POLR2F: variants seen among roughly 807,000 people sequenced by gnomAD.
The protein encoded by POLR2F is RNA polymerase II, I and III subunit F, also known as DNA-directed RNA polymerases I, II, and III subunit RPABC2.
A neutral mutation model predicts 22.7 loss-of-function variants in POLR2F; 12 were observed. That is an observed-to-expected ratio of 0.53 (90% CI 0.34 to 0.86). POLR2F has a LOEUF of 0.86. POLR2F is among the 40% of genes least tolerant of loss of function. POLR2F has a pLI of 0.02. For synonymous variants in POLR2F, 57 were observed against 66.0 expected, an observed-to-expected ratio of 0.86 and a Z score of 0.66; for missense variants, 126 against 171.5, an observed-to-expected ratio of 0.73 and a Z score of 1.48.
chr22:38,032,516 C>A (rs550692893), intron 5 of POLR2F: 2 of 152,382 alleles, frequency 1.3e-5, no homozygotes, highest in African/African-American at 4.8e-5. Context: ...CAGGAGAGAC[C>A]GGGGTCTCTG....
intron 1 of POLR2F, among the ~76,000 whole-genome samples, chr22:38,007,375 G>A (rs1019741846): frequency 1.3e-5 from 2 of 152,232 alleles, no homozygotes; most frequent in African/African-American, 4.8e-5. Context: ...GCAGGCAGCA[G>A]TAGGGTGGCT....
At chr22:38,025,685 C>T in intron 1 of POLR2F, 1 of 1,545,184 alleles carries the variant, frequency 6.5e-7, no homozygotes, top group Non-Finnish European at 8.7e-7. Context: ...GACAGTCCTG[C>T]TGGGTGGATA....
upstream of POLR2F, chr22:37,983,830 G>A (rs1348246308): frequency 2.2e-6 from 3 of 1,356,688 alleles, no homozygotes; most frequent in Non-Finnish European, 2.8e-6. This position sits in a 1 kb window ranked among gnomAD's most constrained non-coding sequence, Gnocchi z 9.5. Flanking sequence ...CCTCCCCCGG[G>A]CCAGCCGCCG....
chr22:37,993,946 G>A (rs372520763), intron 1 of POLR2F, among the ~76,000 whole-genome samples: 9 of 152,302 alleles, frequency 5.9e-5, no homozygotes, highest in South Asian at 2.1e-4. Context: ...CCGAGATCGC[G>A]CCACTGCACT....
At position 38,025,587 on chromosome 22, in the gene POLR2F, G is replaced by A. The variant is rs2085001001; in HGVS notation, c.121-282G>A. On this transcript the variant is annotated intron_variant, in intron 1 of 2. Coordinates refer to the POLR2F transcript ENST00000333418. ...ATCTCTCTCATTTCCAGACTTCTCTGGGGGCTGGAATACACAGTGCTGAGA... is the reference window on the plus strand; with the variant it reads ...ATCTCTCTCATTTCCAGACTTCTCTAGGGGCTGGAATACACAGTGCTGAGA... 7 of 1,509,330 alleles carry A rather than the reference G, an allele frequency of 4.6e-6. No homozygotes were observed. The East Asian group carries it at 1.1e-4, about 25-fold the overall frequency. The allele number at this position is 1,509,330 out of a possible 1,614,324, so 93.5% of individuals were successfully genotyped here.
intron 3 of POLR2F, among the ~76,000 whole-genome samples, chr22:37,960,535 C>A (rs1446415950): frequency 2.6e-5 from 4 of 152,096 alleles, no homozygotes; most frequent in Non-Finnish European, 5.9e-5. Context: ...GTAGCTGGGA[C>A]TACAGGCGCC....
intron 1 of POLR2F, among the ~76,000 whole-genome samples, chr22:38,018,684 TGA>T (rs1441595724): frequency 2.6e-5 from 4 of 152,188 alleles, no homozygotes; most frequent in African/African-American, 9.7e-5. Context: ...TTCTCCCTGC[TGA>T]GAGTCCACCA....
downstream of POLR2F, among the ~76,000 whole-genome samples, chr22:38,030,131 A>G (rs3026666): frequency 0.047 from 7,179 of 152,174 alleles, 539 homozygotes; most frequent in African/African-American, 0.16. Flanking sequence ...GAAGCTGGGG[A>G]TGGAAAACCC....
intron 3 of POLR2F, among the ~76,000 whole-genome samples, chr22:37,964,950 A>G (rs1427628864): frequency 6.6e-6 from 1 of 152,136 alleles, no homozygotes. Flanking sequence ...CTTAAGGGCT[A>G]TGACACCATC....
chr22:38,010,390 AAAG>A (rs2084860436), intron 1 of POLR2F, among the ~76,000 whole-genome samples: 1 of 151,698 alleles, frequency 6.6e-6, no homozygotes, highest in East Asian at 1.9e-4. Flanking sequence ...AAATAAAGGA[AAAG>A]AAAGAGAGGA....
chr22:37,959,222 C>T (rs1931524684), intron 2 of POLR2F, 124 bp from the exon 3 acceptor site: 1 of 899,358 alleles, frequency 1.1e-6, no homozygotes, highest in Non-Finnish European at 1.8e-6. Flanking sequence ...GTTATGTGGT[C>T]CCCTGGCATG....
intron 1 of POLR2F, among the ~76,000 whole-genome samples, chr22:38,014,343 T>G: frequency 6.6e-6 from 1 of 151,202 alleles, no homozygotes; most frequent in East Asian, 1.9e-4. Flanking sequence ...TGGCTAGGAC[T>G]TATTTTTTTT....
At chr22:37,966,477 G>C (rs1163843267) in intron 3 of POLR2F, among the ~76,000 whole-genome samples, 1 of 152,032 alleles carries the variant, frequency 6.6e-6, no homozygotes, top group African/African-American at 2.4e-5. Context: ...TGTGTCTATA[G>C]AGAATGGAAA....
chr22:38,017,015 C>G lies in POLR2F; in HGVS notation c.121-8854C>G, dbSNP rs2084921767. 6.6e-6 allele frequency among the ~76,000 whole-genome samples: 1 copy of G among 152,132 alleles called. No homozygotes were observed. Among genetic ancestry groups the G allele is most frequent in the South Asian group, 2.1e-4 (1 of 4,834 alleles). On this transcript the variant is annotated intron_variant, in intron 1 of 2. Coordinates refer to the POLR2F transcript ENST00000333418. This position sits in a 1 kb window ranked among gnomAD's most constrained non-coding sequence, Gnocchi z 4.1. ...GCAAGGGGCCAGCCAGCCCCCCACC[C>G]CAGCCTCTGCTGCCTGGCACCAGGT...
At chr22:38,000,531 AG>A (rs2084759753) in intron 1 of POLR2F, among the ~76,000 whole-genome samples, 1 of 152,162 alleles carries the variant, frequency 6.6e-6, no homozygotes, top group Non-Finnish European at 1.5e-5. Context: ...GGTTATCAGG[AG>A]GGTGGCTTTG....
chr22:38,038,247 G>C (rs2085135267), intron 5 of POLR2F, among the ~76,000 whole-genome samples: 1 of 152,192 alleles, frequency 6.6e-6, no homozygotes. Context: ...TGGAGCCCTG[G>C]TGGCCCTGGA....
At chr22:38,040,233 C>T (rs1278488010) in intron 5 of POLR2F, 1 of 131,658 alleles carries the variant, frequency 7.6e-6, no homozygotes, top group African/African-American at 3.0e-5. Flanking sequence ...TGCAGTGAGC[C>T]GAGATCACAC....
upstream of POLR2F, chr22:37,986,028 T>A: frequency 1.0e-3 from 739 of 729,668 alleles, no homozygotes; most frequent in Middle Eastern, 4.8e-3. The surrounding 1 kb of genome is among the most constrained non-coding windows in gnomAD (Gnocchi z 4.7). Flanking sequence ...TCCCCCCGCC[T>A]CCCTTCTCTT....
chr22:37,966,462 G>A (rs1370874755), intron 3 of POLR2F, among the ~76,000 whole-genome samples: 1 of 151,952 alleles, frequency 6.6e-6, no homozygotes, highest in Non-Finnish European at 1.5e-5. Flanking sequence ...CCTCTACTGA[G>A]GTGTTGTGTC....
Sources: gnomAD v4.1 joint callset for allele counts (sites outside exome capture counted in the v4.1 genomes callset) on GRCh38, gnomAD v4.1.1 for gene constraint, Gnocchi (gnomAD v3.1) non-coding constraint, MANE v1.5 for transcripts, NCBI Gene and HGNC (gene_info 2026-07-23, HGNC 2026-07-21) for gene names.